LRRC4C: variants seen among roughly 807,000 people sequenced by gnomAD.
The protein encoded by LRRC4C is leucine-rich repeat-containing protein 4C.
LRRC4C carries 5 observed loss-of-function variants against 33.6 expected under a neutral mutation model. The observed-to-expected ratio is 0.15, with a 90% CI of 0.08 to 0.31. The LOEUF (loss-of-function observed/expected upper bound fraction) is 0.31. Among genes scored for constraint, LRRC4C ranks in the 10% least tolerant of loss-of-function variants. The pLI, the probability that LRRC4C is intolerant of heterozygous loss-of-function variation, is 1.00. For missense variants in LRRC4C, 560 were observed against 796.7 expected, an observed-to-expected ratio of 0.70 and a Z score of 3.58; for synonymous variants, 329 against 302.0, an observed-to-expected ratio of 1.09 and a Z score of -0.93.
At chr11:40,703,687 CA>C (rs1193704162) in intron 2 of LRRC4C, among the ~76,000 whole-genome samples, 1 of 152,084 alleles carries the variant, frequency 6.6e-6, no homozygotes, top group Non-Finnish European at 1.5e-5. Context: ...AACAGAAAAG[CA>C]AGGCAAAAGC....
At chr11:40,919,100 C>T (rs1957075535) in intron 2 of LRRC4C, among the ~76,000 whole-genome samples, 1 of 152,032 alleles carries the variant, frequency 6.6e-6, no homozygotes, top group Admixed American at 6.6e-5. Flanking sequence ...ATCTTGAAGC[C>T]AGTAGTTAAT....
chr11:40,844,771 G>C lies in LRRC4C; in HGVS notation c.-407+88864C>G, dbSNP rs142243139. Among the ~76,000 whole-genome samples the C allele has an allele frequency of 5.0e-3, 759 of 152,182 alleles. 1 individual carries two copies. The highest frequency in any genetic ancestry group is 7.6e-3 in the Non-Finnish European group (519 of 68,006). On this transcript the variant is annotated intron_variant, in intron 2 of 6. Transcript: ENST00000528697. ...ATAGGTAGCTAAAATGTTTCCAAAA[G>C]GCCATTTTACAACAATGAAAGAAAC...
Position 41,417,603 on chromosome 11 carries a change from C to T in LRRC4C, c.-496+41828G>A, listed in dbSNP as rs547698768. ...GCAGATCAGCAAATTAGCACAGGCCCTCAGGACCAGGATCTAAAGTTAATC... is the reference window on the plus strand; with the variant it reads ...GCAGATCAGCAAATTAGCACAGGCCTTCAGGACCAGGATCTAAAGTTAATC... On this transcript the variant is annotated intron_variant, in intron 1 of 6. Transcript: ENST00000528697. Among the ~76,000 whole-genome samples, 5 of 152,022 alleles carry T rather than the reference C, an allele frequency of 3.3e-5. No homozygotes were observed. In the South Asian group the frequency reaches 1.0e-3, roughly 32 times the overall value.
chr11:40,934,496 T>A (rs530884349), intron 1 of LRRC4C, among the ~76,000 whole-genome samples: 1 of 152,310 alleles, frequency 6.6e-6, no homozygotes, highest in African/African-American at 2.4e-5. Context: ...TTCTCCTTAC[T>A]CTATCCTGGA....
chr11:41,310,836 A>G (rs1591232845), intron 1 of LRRC4C, among the ~76,000 whole-genome samples: 1 of 152,218 alleles, frequency 6.6e-6, no homozygotes, highest in South Asian at 2.1e-4. Flanking sequence ...AAAATTTAAA[A>G]TATAACTTCG....
chr11:40,985,957 C>T (rs746079251), intron 1 of LRRC4C, among the ~76,000 whole-genome samples: 3 of 151,856 alleles, frequency 2.0e-5, no homozygotes, highest in Non-Finnish European at 2.9e-5. Context: ...AAATCAACTA[C>T]ATATATAATT....
Position 41,321,504 on chromosome 11 carries a change from T to C in LRRC4C, c.-496+137927A>G, listed in dbSNP as rs189167022. ...TTTCAAAAGGACCGTAGAATTCAAC[T>C]AATTCTATCTCTCAAATCTGCAATC... On this transcript the variant is annotated intron_variant, in intron 1 of 6. Coordinates refer to ENST00000528697, the MANE Select transcript of LRRC4C (RefSeq NM_001258419.2). Among the ~76,000 whole-genome samples, 15 of 152,312 alleles carry C rather than the reference T, an allele frequency of 9.8e-5. No homozygotes were observed. The East Asian group carries it at 2.9e-3, about 29-fold the overall frequency.
At chr11:40,719,984 T>C (rs945871615) in intron 2 of LRRC4C, among the ~76,000 whole-genome samples, 2 of 152,156 alleles carry the variant, frequency 1.3e-5, no homozygotes, top group African/African-American at 4.8e-5. Context: ...CTTAGGCAAA[T>C]TGGGAAGTGA....
At chr11:41,337,025 A>G (rs1174571807) in intron 1 of LRRC4C, among the ~76,000 whole-genome samples, 1 of 152,186 alleles carries the variant, frequency 6.6e-6, no homozygotes, top group African/African-American at 2.4e-5. Context: ...AACAAGCCTC[A>G]TAAAAAATTA....
At chr11:40,468,728 T>C (rs1952777125) in intron 3 of LRRC4C, among the ~76,000 whole-genome samples, 1 of 152,176 alleles carries the variant, frequency 6.6e-6, no homozygotes, top group African/African-American at 2.4e-5. Flanking sequence ...AATAGATTGT[T>C]ACTCAATCCC....
intron 3 of LRRC4C, among the ~76,000 whole-genome samples, chr11:40,547,012 T>C (rs1039819977): frequency 1.3e-5 from 2 of 152,154 alleles, no homozygotes; most frequent in African/African-American, 4.8e-5. Context: ...ATTGAAATAA[T>C]AGATTTTACA....
chr11:40,347,209 A>G (rs559642321), intron 3 of LRRC4C, among the ~76,000 whole-genome samples: 1 of 152,330 alleles, frequency 6.6e-6, no homozygotes, highest in South Asian at 2.1e-4. Context: ...CAGCTCCTAC[A>G]TCAGCACTTG....
intron 1 of LRRC4C, among the ~76,000 whole-genome samples, chr11:41,114,532 A>G (rs985119580): frequency 8.5e-5 from 13 of 152,080 alleles, no homozygotes; most frequent in African/African-American, 3.1e-4. Context: ...TTAGAAACAA[A>G]TAGCAATTTA....
chr11:40,397,453 T>C (rs12288891), intron 3 of LRRC4C, among the ~76,000 whole-genome samples: 1,742 of 152,234 alleles, frequency 0.011, 36 homozygotes, highest in African/African-American at 0.04. Flanking sequence ...GACTGAAATT[T>C]ACAGCTCTGA....
At chr11:40,895,636 C>G (rs978711991) in intron 2 of LRRC4C, among the ~76,000 whole-genome samples, 3 of 151,974 alleles carry the variant, frequency 2.0e-5, no homozygotes, top group Non-Finnish European at 4.4e-5. Context: ...TTGTCTGAAC[C>G]CAAGTCTCTA....
intron 2 of LRRC4C, among the ~76,000 whole-genome samples, chr11:40,716,258 G>A: frequency 6.6e-6 from 1 of 151,980 alleles, no homozygotes; most frequent in Admixed American, 6.6e-5. Flanking sequence ...TAGGGAGCTG[G>A]GTGGTAGATA....
chr11:41,010,394 A>G (rs1409115516), intron 1 of LRRC4C, among the ~76,000 whole-genome samples: 4 of 152,184 alleles, frequency 2.6e-5, no homozygotes, highest in Non-Finnish European at 4.4e-5. Context: ...GATTAAAAAA[A>G]TCATTTTAAA....
At chr11:41,043,775 T>C (rs1172952235) in intron 1 of LRRC4C, among the ~76,000 whole-genome samples, 1 of 152,134 alleles carries the variant, frequency 6.6e-6, no homozygotes, top group Non-Finnish European at 1.5e-5. Flanking sequence ...GGCAAAACCA[T>C]ATAGATGCTA....
chr11:40,296,104 ACTAT>A (rs889102496), intron 4 of LRRC4C, among the ~76,000 whole-genome samples: 11 of 152,254 alleles, frequency 7.2e-5, no homozygotes, highest in African/African-American at 2.6e-4. Context: ...CATCTTTAAT[ACTAT>A]CAGAATGAAT....
Sources: allele counts gnomAD v4.1 joint callset (sites outside exome capture counted in the v4.1 genomes callset), GRCh38; gene constraint gnomAD v4.1.1; transcripts MANE v1.5; gene names NCBI Gene and HGNC (gene_info 2026-07-23, HGNC 2026-07-21).